TAS2R1: variants seen among roughly 807,000 people sequenced by gnomAD.
TAS2R1 encodes the protein taste receptor type 2 member 1.
For synonymous variants in TAS2R1, 141 were observed against 134.2 expected (o/e 1.05, Z -0.35); for missense variants, 370 against 353.4 (o/e 1.05, Z -0.38).
At chr5:9,760,712 C>T in the TAS2R1 span, among the ~76,000 whole-genome samples, 1 of 152,126 alleles carries the variant, frequency 6.6e-6, no homozygotes, top group Non-Finnish European at 1.5e-5. Context: ...TAAAGCCATA[C>T]CAAGATGTCA....
At chr5:9,752,526 TC>T in the TAS2R1 span, among the ~76,000 whole-genome samples, 1 of 151,972 alleles carries the variant, frequency 6.6e-6, no homozygotes. Flanking sequence ...AATGAAGAAC[TC>T]CCACTTACGA....
the TAS2R1 span, among the ~76,000 whole-genome samples, chr5:9,847,580 A>C: frequency 5.9e-5 from 9 of 152,208 alleles, no homozygotes; most frequent in Non-Finnish European, 1.0e-4. Flanking sequence ...TACTAACAAA[A>C]ATATACTCTC....
intron 1 of TAS2R1, among the ~76,000 whole-genome samples, chr5:9,663,327 G>T (rs1357961371): frequency 3.3e-5 from 5 of 152,066 alleles, no homozygotes; most frequent in African/African-American, 9.7e-5. Flanking sequence ...AATCAAAGTA[G>T]AAATATATTT....
intron 1 of TAS2R1, among the ~76,000 whole-genome samples, chr5:9,699,981 GA>G (rs1741443247): frequency 6.6e-6 from 1 of 151,832 alleles, no homozygotes. Flanking sequence ...AAGTTCTTCA[GA>G]AAAAAAGTAT....
At chr5:9,697,325 T>C (rs1287154471) in intron 1 of TAS2R1, among the ~76,000 whole-genome samples, 2 of 152,164 alleles carry the variant, frequency 1.3e-5, no homozygotes, top group African/African-American at 2.4e-5. Context: ...TAGAGGTAGA[T>C]CATTTTATAG....
chr5:9,892,256 A>T, the TAS2R1 span, among the ~76,000 whole-genome samples: 1 of 152,182 alleles, frequency 6.6e-6, no homozygotes, highest in East Asian at 1.9e-4. Context: ...TTCTGATCTG[A>T]GTACGCTGGG....
the TAS2R1 span, among the ~76,000 whole-genome samples, chr5:9,808,309 G>T: frequency 2.0e-5 from 3 of 152,178 alleles, no homozygotes; most frequent in Admixed American, 1.3e-4. Context: ...TAGTGGCAAA[G>T]AACTTGACTA....
chr5:9,725,714 G>GCACAT, the TAS2R1 span, among the ~76,000 whole-genome samples: 1 of 152,224 alleles, frequency 6.6e-6, no homozygotes, highest in Non-Finnish European at 1.5e-5. Flanking sequence ...AGGAGTGCAG[G>GCACAT]CACACGGCAC....
chr5:9,690,453 G>A (rs1741217362), intron 1 of TAS2R1, among the ~76,000 whole-genome samples: 1 of 152,034 alleles, frequency 6.6e-6, no homozygotes, highest in African/African-American at 2.4e-5. Flanking sequence ...TGTGCAATGT[G>A]GTGGCCCTAA....
At chr5:9,875,577 T>C in the TAS2R1 span, among the ~76,000 whole-genome samples, 1 of 152,152 alleles carries the variant, frequency 6.6e-6, no homozygotes, top group Non-Finnish European at 1.5e-5. Context: ...CCGACAAACC[T>C]GTTTTGGGTT....
the TAS2R1 span, among the ~76,000 whole-genome samples, chr5:9,758,042 T>C: frequency 6.6e-6 from 1 of 152,144 alleles, no homozygotes; most frequent in African/African-American, 2.4e-5. Context: ...GAACCTAGAT[T>C]CTTAAAAGTT....
At chr5:9,819,261 T>C in the TAS2R1 span, among the ~76,000 whole-genome samples, 1 of 152,142 alleles carries the variant, frequency 6.6e-6, no homozygotes, top group Admixed American at 6.5e-5. Context: ...GTGCTGAGTT[T>C]GTGGTTCTTA....
At chr5:9,826,552 T>C in the TAS2R1 span, among the ~76,000 whole-genome samples, 4 of 152,200 alleles carry the variant, frequency 2.6e-5, no homozygotes, top group East Asian at 7.7e-4. Context: ...TTGCAAAAAG[T>C]CAGCCCACTG....
the TAS2R1 span, among the ~76,000 whole-genome samples, chr5:9,830,605 G>GCGCGCACACA: frequency 6.7e-6 from 1 of 149,708 alleles, no homozygotes; most frequent in African/African-American, 2.5e-5. Context: ...ACGTGCGCGC[G>GCGCGCACACA]CACACACACA....
At chr5:9,884,532 T>C in the TAS2R1 span, among the ~76,000 whole-genome samples, 2 of 151,422 alleles carry the variant, frequency 1.3e-5, no homozygotes, top group Non-Finnish European at 2.9e-5. Flanking sequence ...ACAATTAAAT[T>C]TCAACATGAG....
the TAS2R1 span, among the ~76,000 whole-genome samples, chr5:9,835,712 A>T: frequency 0.29 from 43,357 of 151,998 alleles, 6,950 homozygotes; most frequent in Non-Finnish European, 0.37. Flanking sequence ...GGGGAGAGGA[A>T]GCCTGGGAGG....
the TAS2R1 span, among the ~76,000 whole-genome samples, chr5:9,847,075 C>A: frequency 2.0e-5 from 3 of 152,192 alleles, no homozygotes; most frequent in African/African-American, 7.2e-5. Context: ...CTAGCAAGTC[C>A]CATATAGGCA....
At chr5:9,636,128 G>C (rs1271698478) in intron 2 of TAS2R1, among the ~76,000 whole-genome samples, 1 of 151,860 alleles carries the variant, frequency 6.6e-6, no homozygotes, top group African/African-American at 2.4e-5. Context: ...GTTTTAATAA[G>C]TTGTCTCACT....
At chr5:9,745,971 T>C in the TAS2R1 span, among the ~76,000 whole-genome samples, 1 of 152,146 alleles carries the variant, frequency 6.6e-6, no homozygotes, top group East Asian at 1.9e-4. Flanking sequence ...ATCATCAGAA[T>C]GAACAGGCAA....
Sources: allele counts gnomAD v4.1 joint callset (sites outside exome capture counted in the v4.1 genomes callset), GRCh38; gene constraint gnomAD v4.1.1; transcripts MANE v1.5; gene names NCBI Gene and HGNC (gene_info 2026-07-23, HGNC 2026-07-21).